The following ACACA variants were observed in gnomAD, a reference collection of about 807,000 sequenced individuals.
The protein encoded by ACACA is acetyl-CoA carboxylase alpha.
Under a neutral mutation model 296.1 loss-of-function variants are expected in ACACA, and 103 were observed. That is an observed-to-expected ratio of 0.35 (90% CI 0.30 to 0.41). The LOEUF (loss-of-function observed/expected upper bound fraction) is 0.41, where lower values mean the gene tolerates loss of function less well. Ranked by LOEUF, ACACA falls within the 10% of genes least tolerant of loss-of-function variation. The pLI, the probability that ACACA is intolerant of heterozygous loss-of-function variation, is 1.00. For synonymous variants in ACACA, 953 were observed against 1,038.6 expected, an observed-to-expected ratio of 0.92 and a Z score of 1.58; for missense variants, 1,554 against 2,989.7, an observed-to-expected ratio of 0.52 and a Z score of 11.20.
chr17:37,260,292 ATATATTTTTTTTTTTTT>A (rs1460462391), intron 11 of ACACA, among the ~76,000 whole-genome samples: 9 of 16,492 alleles, frequency 5.5e-4, no homozygotes, highest in African/African-American at 2.1e-3. Flanking sequence ...ATATATATAT[ATATATTTTTTTTTTTTT>A]TTTTTTTGGA....
At chr17:37,387,857 T>C (rs1260803485) in intron 1 of ACACA, 3 of 152,076 alleles carry the variant, frequency 2.0e-5, no homozygotes, top group African/African-American at 7.2e-5. Context: ...AATGTGATAT[T>C]AGTAATAATG....
In ACACA at chr17:37,270,906, C is replaced by A. The variant is rs746895152; in HGVS notation, c.1009-45G>T. The A allele has an allele frequency of 8.1e-6, 12 of 1,489,064 alleles. No homozygotes were observed. In the South Asian group the frequency reaches 1.3e-4, roughly 16 times the overall value. The allele number at this position is 1,489,064 out of a possible 1,614,324, so 92.2% of individuals were successfully genotyped here. A position where few individuals can be genotyped will look rare whatever the true frequency, so the allele number is the denominator to read the frequency against. On this transcript the variant is annotated intron_variant, in intron 9 of 55. Transcript: ENST00000616317. ...AAAAATAGAAGAAACAGTGTTATTACCAGGGAAGGAGAAAACTGGCATTTT... is the reference window on the plus strand; with the variant it reads ...AAAAATAGAAGAAACAGTGTTATTAACAGGGAAGGAGAAAACTGGCATTTT...
rs927746556 is a variant in ACACA at position 37,179,303 on chromosome 17, T to C, written c.5036A>G (p.Gln1679Arg). 1.9e-6 allele frequency: 3 copies of C among 1,614,104 alleles called. No homozygotes were observed. The highest frequency in any genetic ancestry group is 2.5e-6 in the Non-Finnish European group (3 of 1,180,018). Residue 1679 changes from glutamine to arginine, a missense_variant, in exon 41 of 56, where the codon CAA (glutamine) becomes CGA (arginine). Around this residue, in one of 16 missense-constraint regions of ACACA, gnomAD observed 553 missense variants for 1,043.6 expected, o/e 0.53. Transcript: ENST00000616317. ...LTYTELVLDD[Q>R]GQLVHMNRLP... is the part of the protein sequence containing the mutation. The stretch of plus-strand genomic sequence containing the variant: ...CCTGTTCATGTGGACCAGCTGACCT[T>C]GATCATCCAGTACCAGTTCAGTGTA...
intron 47 of ACACA, among the ~76,000 whole-genome samples, chr17:37,126,729 T>C (rs552189432): frequency 1.3e-5 from 2 of 152,336 alleles, no homozygotes; most frequent in Admixed American, 1.3e-4. Flanking sequence ...GAGTGTTTTA[T>C]CTAGACTAAA....
At position 37,097,109 on chromosome 17, in the gene ACACA, G is replaced by A. The variant is rs1280823979; in HGVS notation, c.6778C>T (p.Leu2260=). 2.5e-6 allele frequency: 4 copies of A among 1,614,108 alleles called. No individual in the cohort carries two copies. In the South Asian group the frequency reaches 4.4e-5, roughly 18 times the overall value. Residue 2260 remains leucine, a synonymous_variant, in exon 54 of 56, where the codon CTG becomes TTG. Transcript: ENST00000616317. This position sits in a 1 kb window ranked among gnomAD's most constrained non-coding sequence, Gnocchi z 4.8. ...TTCTTCTTGACCAGGTCCTCCAGCA[G>A]AAGACGCCTCAGCCGCCAGTAGAAG... ...TFFYWRLRRL[L]LEDLVKKKIH...
At chr17:37,282,054 C>T (rs753409622) in intron 5 of ACACA, among the ~76,000 whole-genome samples, 10 of 152,114 alleles carry the variant, frequency 6.6e-5, no homozygotes, top group Non-Finnish European at 1.2e-4. Flanking sequence ...ATGTATGTCC[C>T]TCACCAAATA....
intron 10 of ACACA, among the ~76,000 whole-genome samples, chr17:37,268,733 C>CTATATATATATATATA (rs1402309165): frequency 7.1e-5 from 5 of 70,816 alleles, no homozygotes; most frequent in African/African-American, 3.1e-4. Context: ...ATCTATCTAT[C>CTATATATATATATATA]TATCTATCTA....
At chr17:37,111,225 G>A (rs925602219) in intron 52 of ACACA, among the ~76,000 whole-genome samples, 2 of 152,000 alleles carry the variant, frequency 1.3e-5, no homozygotes, top group African/African-American at 4.8e-5. Context: ...TCTCTGGTGA[G>A]GCCTGCCCCC....
Position 37,330,246 on chromosome 17 carries a change from C to T in ACACA, c.265G>A (p.Ala89Thr), listed in dbSNP as rs945265455. The change falls in exon 3 of 56, where the codon GCT becomes ACT. Residue 89 changes from alanine to threonine, a missense_variant. By Grantham distance (58) the Ala-to-Thr change is moderately conservative. Transcript: ENST00000616317. ...GAGAGTGTATCTGAGCCAACAGAAG[C>T]AGGTGACAAGGAGCCCTCCTTCTCC... ...LEEKEGSLSP[A>T]SVGSDTLSDL... is the part of the protein sequence containing the mutation. The T allele has an allele frequency of 6.2e-7, 1 of 1,614,200 alleles. No homozygotes were observed. The highest frequency in any genetic ancestry group is 1.7e-5 in the Admixed American group (1 of 60,014).
At chr17:37,114,411 T>C (rs899889193) in intron 50 of ACACA, among the ~76,000 whole-genome samples, 1 of 150,706 alleles carries the variant, frequency 6.6e-6, no homozygotes, top group Non-Finnish European at 1.5e-5. Flanking sequence ...CACATTCCCA[T>C]AGTCCCAGCA....
intron 3 of ACACA, chr17:37,301,282 A>AT (rs1488176995): frequency 1.1e-5 from 8 of 734,628 alleles, no homozygotes; most frequent in Non-Finnish European, 1.0e-5. Context: ...TCTTTCTCTA[A>AT]TATTAGAATA....
chr17:37,204,298 A>G (rs573746389), intron 33 of ACACA, among the ~76,000 whole-genome samples: 1 of 152,204 alleles, frequency 6.6e-6, no homozygotes, highest in African/African-American at 2.4e-5. Flanking sequence ...GACTATAAGC[A>G]TCTTCAGGGC....
intron 38 of ACACA, among the ~76,000 whole-genome samples, chr17:37,190,040 A>AAGC (rs1180580479): frequency 2.0e-5 from 3 of 151,712 alleles, no homozygotes; most frequent in Admixed American, 6.6e-5. Flanking sequence ...AAAAAAAAAA[A>AAGC]AGCAGCAGCA....
Position 37,402,023 on chromosome 17 carries a change from G to A in ACACA, c.38+4239C>T, listed in dbSNP as rs1597810978. Among the ~76,000 whole-genome samples, 4 of 152,284 alleles carry A rather than the reference G, an allele frequency of 2.6e-5. 1 individual carries two copies. ...AAAGTCAACCTTTTCAGTTACTTAT[G>A]AATGAAAGGGCATGAAGATTGTGCT... On this transcript the variant is annotated intron_variant, in intron 1 of 55. Transcript: ENST00000616317.
intron 45 of ACACA, among the ~76,000 whole-genome samples, chr17:37,146,369 T>C (rs2075807646): frequency 6.7e-6 from 1 of 149,900 alleles, no homozygotes; most frequent in African/African-American, 2.5e-5. Flanking sequence ...ATTATGGGAG[T>C]ATGATATGTG....
At chr17:37,114,546 A>G (rs1414762569) in intron 50 of ACACA, among the ~76,000 whole-genome samples, 1 of 151,964 alleles carries the variant, frequency 6.6e-6, no homozygotes, top group East Asian at 1.9e-4. Context: ...AAAAAAAAAA[A>G]AAAAAAAGAG....
chr17:37,362,053 C>T (rs1277280595), intron 1 of ACACA, among the ~76,000 whole-genome samples: 2 of 152,022 alleles, frequency 1.3e-5, no homozygotes, highest in South Asian at 2.1e-4. Context: ...GACTGTCGTC[C>T]TTATAAGACG....
chr17:37,126,724 T>A (rs1172659382), intron 47 of ACACA, among the ~76,000 whole-genome samples: 1 of 152,218 alleles, frequency 6.6e-6, no homozygotes, highest in African/African-American at 2.4e-5. Flanking sequence ...ATGGAGAGTG[T>A]TTTATCTAGA....
At chr17:37,091,100 A>C (rs2072598922) in intron 54 of ACACA, among the ~76,000 whole-genome samples, 1 of 152,146 alleles carries the variant, frequency 6.6e-6, no homozygotes, top group Non-Finnish European at 1.5e-5. Context: ...GCTTAAGATA[A>C]CTCTCCTTGA....
Sources: gnomAD v4.1 joint callset for allele counts (sites outside exome capture counted in the v4.1 genomes callset) on GRCh38, gnomAD v4.1.1 for gene constraint, gnomAD v4.1.1 regional missense constraint, Gnocchi (gnomAD v3.1) non-coding constraint, MANE v1.5 for transcripts, NCBI Gene and HGNC (gene_info 2026-07-23, HGNC 2026-07-21) for gene names.